Variants in ZNF510 observed in about 807,000 individuals in gnomAD.
ZNF510 encodes zinc finger protein 510.
ZNF510 carries 15 observed loss-of-function variants against 18.1 expected under a neutral mutation model. The ratio of observed to expected loss-of-function variants is 0.83; its 90% CI spans 0.55 to 1.28. The LOEUF is 1.28. ZNF510 is among the 50% of genes most tolerant of loss of function. The pLI, the probability that ZNF510 is intolerant of heterozygous loss-of-function variation, is 0.00. For missense variants in ZNF510, 724 were observed against 791.8 expected, an observed-to-expected ratio of 0.91 and a Z score of 1.03; for synonymous variants, 261 against 266.4, an observed-to-expected ratio of 0.98 and a Z score of 0.20.
intron 3 of ZNF510, among the ~76,000 whole-genome samples, chr9:96,767,262 A>G (rs1054738532): frequency 1.3e-5 from 2 of 152,126 alleles, no homozygotes; most frequent in Admixed American, 6.5e-5. Context: ...CGGGAGGTGG[A>G]GGTTGCAGTG....
rs1483347615 is a variant in ZNF510, at chr9:96,763,122, G to T, written c.348C>A (p.His116Gln). The T allele has an allele frequency of 6.2e-7, 1 of 1,613,720 alleles. No homozygotes were observed. Among genetic ancestry groups the T allele is most frequent in the Non-Finnish European group, 8.5e-7 (1 of 1,179,802 alleles). The part of the protein sequence containing the change: ...FSEEEFSNQS[H>Q]PKDYRGDDLI... ...TACTACTGCTCAGTAACTCACTTGG[G>T]TGACTCTGGTTTGAGAATTCCTCCT... The change falls in exon 5 of 6, where the codon CAC (histidine) becomes CAA (glutamine). Residue 116 changes from histidine to glutamine, a missense_variant. His to Gln is a conservative substitution (Grantham distance 24). Coordinates refer to ENST00000223428, the MANE Select transcript of ZNF510 (RefSeq NM_014930.3).
chr9:96,759,822 A>G lies in ZNF510; in HGVS notation c.1008T>C (p.Tyr336=). Residue 336 remains tyrosine, a synonymous_variant, in exon 6 of 6, where the codon TAT becomes TAC. Coordinates refer to ENST00000223428, the MANE Select transcript of ZNF510 (RefSeq NM_014930.3). ...YNKLNMGIKH[Y]ELNPSGNNFN... ...AATTATTTCCACTTGGATTTAATTC[A>G]TAATGTTTTATACCCATATTAAGTT... The G allele has an allele frequency of 1.2e-6, 2 of 1,613,806 alleles. No individual in the cohort carries two copies. The highest frequency in any genetic ancestry group is 1.1e-5 in the South Asian group (1 of 91,078).
rs769071068 is a variant in ZNF510 at position 96,774,794 on chromosome 9, T to A, written c.123A>T (p.Ile41=). ...TLFQEQQKMN[I]SQASVSFKDV... is the part of the protein sequence containing the mutation. Reference sequence around the variant, plus strand: ...GTATTAGTAATTAACTCACCTGAGATATGTTCATTTTCTGCTGCTCCTGAA... The same window carrying A: ...GTATTAGTAATTAACTCACCTGAGAAATGTTCATTTTCTGCTGCTCCTGAA... The change falls in exon 3 of 6, where the codon ATA becomes ATT. Residue 41 remains isoleucine (I), a synonymous_variant. Coordinates refer to ENST00000223428, the MANE Select transcript of ZNF510 (RefSeq NM_014930.3). 2.5e-6 allele frequency: 4 copies of A among 1,613,564 alleles called. No homozygotes were observed. Among genetic ancestry groups the A allele is most frequent in the Non-Finnish European group, 3.4e-6 (4 of 1,179,858 alleles).
At chr9:96,771,652 A>G (rs1849586648) in intron 3 of ZNF510, among the ~76,000 whole-genome samples, 2 of 152,122 alleles carry the variant, frequency 1.3e-5, no homozygotes, top group Non-Finnish European at 2.9e-5. Context: ...AAAGATATAA[A>G]AACTGTAAAG....
rs1376243372 is a variant in ZNF510, at chr9:96,774,775, G to C, written c.129+13C>G. On this transcript the variant is annotated intron_variant, in intron 3 of 5. Coordinates refer to ENST00000223428, the MANE Select transcript of ZNF510 (RefSeq NM_014930.3). ...GAAATCCATGATGAAAAAGGTATTAGTAATTAACTCACCTGAGATATGTTC... is the reference window on the plus strand; with the variant it reads ...GAAATCCATGATGAAAAAGGTATTACTAATTAACTCACCTGAGATATGTTC... The C allele has an allele frequency of 3.1e-6, 5 of 1,609,714 alleles. No individual in the cohort carries two copies. Among genetic ancestry groups the C allele is most frequent in the Non-Finnish European group, 4.2e-6 (5 of 1,177,106 alleles).
intron 3 of ZNF510, among the ~76,000 whole-genome samples, chr9:96,769,269 T>C (rs775926067): frequency 6.6e-6 from 1 of 151,972 alleles, no homozygotes. Flanking sequence ...ACTCCGTCTC[T>C]ACTGAAAAAA....
At chr9:96,776,929 C>G (rs1467365656) in intron 1 of ZNF510, among the ~76,000 whole-genome samples, 1 of 152,232 alleles carries the variant, frequency 6.6e-6, no homozygotes, top group Non-Finnish European at 1.5e-5. Flanking sequence ...AGCCTCCAAT[C>G]ACATCAACTA....
rs764850839 is a variant in ZNF510 at position 96,763,558 on chromosome 9, C to A, written c.204G>T (p.Lys68Asn). The A allele has an allele frequency of 2.5e-6, 4 of 1,613,192 alleles. No homozygotes were observed. The highest frequency in any genetic ancestry group is 3.4e-6 in the Non-Finnish European group (4 of 1,179,622). The stretch of plus-strand genomic sequence containing the variant: ...CCAGCATCACATCTCTGTACAGATT[C>A]TTCTGAACAGGGGCCATTTGCTGCC... ...EEWQQMAPVQ[K>N]NLYRDVMLEN... The change falls in exon 4 of 6, where the codon AAG (lysine) becomes AAT (asparagine). Residue 68 changes from lysine to asparagine, a missense_variant. Coordinates refer to ENST00000223428, the MANE Select transcript of ZNF510 (RefSeq NM_014930.3).
In ZNF510 at chr9:96,759,143, G is replaced by C. The variant is rs1849271092; in HGVS notation, c.1687C>G (p.Gln563Glu). Residue 563 changes from glutamine (Q) to glutamate (E), a missense_variant, in exon 6 of 6, where the codon CAG (glutamine) becomes GAG (glutamate). By Grantham distance (29) the Gln-to-Glu change is conservative (BLOSUM62 2). Transcript: ENST00000223428. The stretch of plus-strand genomic sequence containing the variant: ...GGTTTCTCTCCCGTGTGAGTTTTCT[G>C]ATGTTGAATGAGATGATCTTTTCGC... Reference protein sequence around the residue: ...FWRKDHLIQHQKTHTGEKPFK... With the variant: ...FWRKDHLIQHEKTHTGEKPFK... The C allele has an allele frequency of 1.2e-6, 2 of 1,613,904 alleles. No homozygotes were observed. Among genetic ancestry groups the C allele is most frequent in the Admixed American group, 1.7e-5 (1 of 59,978 alleles).
intron 3 of ZNF510, among the ~76,000 whole-genome samples, chr9:96,766,718 A>AGC (rs1460682885): frequency 2.6e-5 from 4 of 152,246 alleles, no homozygotes; most frequent in African/African-American, 9.6e-5. Flanking sequence ...ATCTTAGCTT[A>AGC]GAGATGTAGA....
chr9:96,776,186 CTCTGT>C lies in ZNF510; in HGVS notation c.-122_-118del, dbSNP rs777260472. 1.6e-5 allele frequency: 23 copies of C among 1,459,626 alleles called. No homozygotes were observed. The highest frequency in any genetic ancestry group is 2.1e-5 in the Non-Finnish European group (23 of 1,101,274). 90.4% of individuals were successfully genotyped at this position (1,459,626 alleles called of 1,614,324 possible). On this transcript the variant is annotated 5_prime_UTR_variant, in exon 2 of 6. Coordinates refer to ENST00000223428, the MANE Select transcript of ZNF510 (RefSeq NM_014930.3). ...TGTTTGGAAGCCCTGGTGAGGAGGT[CTCTGT>C]TCTGTCAGAGAGCAGTTCTTCGGTG...
intron 3 of ZNF510, among the ~76,000 whole-genome samples, chr9:96,771,033 A>G (rs904293780): frequency 1.3e-5 from 2 of 152,204 alleles, no homozygotes; most frequent in African/African-American, 4.8e-5. Context: ...ATGCTAGACT[A>G]CCTCACAGGT....
At position 96,759,767 on chromosome 9, in the gene ZNF510, G is replaced by A; in HGVS notation, c.1063C>T (p.Gln355Ter). 1 of 1,614,066 alleles carries A rather than the reference G, an allele frequency of 6.2e-7. No homozygotes were observed. Among genetic ancestry groups the A allele is most frequent in the South Asian group, 1.1e-5 (1 of 91,074 alleles). Residue 355 changes from glutamine to a stop codon, truncating the protein, a stop_gained, in exon 6 of 6, where the codon CAA becomes TAA. Transcript: ENST00000223428. LOFTEE classifies it low-confidence loss of function (END_TRUNC). ...GGGTTCTCTTCTATGACAGCTGTTT[G>A]AGGATCAGTGAGGTGTGCCTTTCTG... ...FNRKAHLTDPQTAVIEENPLV... is the reference protein window; with the variant it reads ...FNRKAHLTDP
In ZNF510 at chr9:96,763,107, C is replaced by A; in HGVS notation, c.352+11G>T. 1 of 1,612,116 alleles carries A rather than the reference C, an allele frequency of 6.2e-7. No individual in the cohort carries two copies. The highest frequency in any genetic ancestry group is 1.1e-5 in the South Asian group (1 of 91,012). ...CTGCAGAATTATGTCTACTACTGCT[C>A]AGTAACTCACTTGGGTGACTCTGGT... is the stretch of plus-strand genomic sequence containing the variant. On this transcript the variant is annotated intron_variant, in intron 5 of 5. Transcript: ENST00000223428.
intron 5 of ZNF510, among the ~76,000 whole-genome samples, chr9:96,761,761 ATAT>A (rs1336127771): frequency 6.6e-6 from 1 of 152,154 alleles, no homozygotes; most frequent in Non-Finnish European, 1.5e-5. Flanking sequence ...CTTTTGGTTA[ATAT>A]TATGTTTGTA....
At chr9:96,770,219 T>G (rs764787491) in intron 3 of ZNF510, among the ~76,000 whole-genome samples, 6 of 152,152 alleles carry the variant, frequency 3.9e-5, no homozygotes, top group Non-Finnish European at 8.8e-5. Flanking sequence ...TGGAATATTA[T>G]TCAGTCACAA....
At position 96,758,586 on chromosome 9, in the gene ZNF510, G is replaced by A. The variant is rs1181143529; in HGVS notation, c.*192C>T. On this transcript the variant is annotated 3_prime_UTR_variant, in exon 6 of 6. Transcript: ENST00000223428. The stretch of plus-strand genomic sequence containing the variant: ...CTGAATTCTTTGATACACTCTGAAG[G>A]TTGCATTTTGGACACAATTCTTCCT... The A allele has an allele frequency of 1.7e-6, 1 of 591,400 alleles. No individual in the cohort carries two copies. The highest frequency in any genetic ancestry group is 2.7e-5 in the South Asian group (1 of 37,284). The allele number at this position is 591,400 out of a possible 1,614,324, so 36.6% of individuals were successfully genotyped here.
At chr9:96,763,287 A>T in intron 4 of ZNF510, 74 bp from the exon 5 acceptor site, 1 of 1,480,460 alleles carries the variant, frequency 6.8e-7, no homozygotes, top group Non-Finnish European at 9.4e-7. Flanking sequence ...AAGAAAATAC[A>T]GCTTTGGAAG....
chr9:96,770,152 G>T (rs1437435595), intron 3 of ZNF510, among the ~76,000 whole-genome samples: 2 of 152,190 alleles, frequency 1.3e-5, no homozygotes, highest in Non-Finnish European at 2.9e-5. Context: ...TCAAAAGGGA[G>T]AAACAATCCA....
Sources: allele counts gnomAD v4.1 joint callset (sites outside exome capture counted in the v4.1 genomes callset), GRCh38; gene constraint gnomAD v4.1.1; transcripts MANE v1.5; gene names NCBI Gene and HGNC (gene_info 2026-07-23, HGNC 2026-07-21).